TFRC: variants seen among roughly 807,000 people sequenced by gnomAD.
TFRC encodes transferrin receptor.
TFRC carries 35 observed loss-of-function variants against 85.8 expected under a neutral mutation model. The ratio of observed to expected loss-of-function variants is 0.41; its 90% CI spans 0.31 to 0.54. The LOEUF (loss-of-function observed/expected upper bound fraction) is 0.54. TFRC is among the 20% of genes least tolerant of loss of function. TFRC has a pLI of 0.31. For synonymous variants in TFRC, 362 were observed against 328.6 expected, an observed-to-expected ratio of 1.10 and a Z score of -1.10; for missense variants, 828 against 921.5, an observed-to-expected ratio of 0.90 and a Z score of 1.31.
chr3:196,066,976 C>T (rs1383045305), intron 9 of TFRC, among the ~76,000 whole-genome samples: 1 of 152,174 alleles, frequency 6.6e-6, no homozygotes, highest in Non-Finnish European at 1.5e-5. Context: ...GAACTGGGCT[C>T]TGTTTTTAAA....
At chr3:196,052,291 A>G (rs1423918647) in intron 18 of TFRC, 107 bp from the exon 19 acceptor site, 8 of 883,452 alleles carry the variant, frequency 9.1e-6, no homozygotes, top group South Asian at 5.8e-5. Context: ...TGCCGATCAG[A>G]CTTTTTTTTT....
At chr3:196,079,232 TC>T (rs775247539) in intron 1 of TFRC, among the ~76,000 whole-genome samples, 21 of 152,168 alleles carry the variant, frequency 1.4e-4, no homozygotes, top group Non-Finnish European at 2.1e-4. Flanking sequence ...ATCATCCTTT[TC>T]TAGGAAAAAA....
intron 1 of TFRC, among the ~76,000 whole-genome samples, chr3:196,077,547 T>C (rs1718809332): frequency 6.7e-6 from 1 of 149,438 alleles, no homozygotes; most frequent in African/African-American, 2.5e-5. Flanking sequence ...AGGTCAGGAG[T>C]TCAAGACCAG....
rs148522625 is a variant in TFRC at position 196,070,990 on chromosome 3, A to G, written c.687+406T>C. Reference sequence around the variant, plus strand: ...TCAAGCATTAACGAATCAAGCTAAGACTAGGCCCCAGCCAAGATGGATATT... The same window carrying G: ...TCAAGCATTAACGAATCAAGCTAAGGCTAGGCCCCAGCCAAGATGGATATT... On this transcript the variant is annotated intron_variant, in intron 6 of 18. Transcript: ENST00000360110. Among the ~76,000 whole-genome samples the G allele has an allele frequency of 1.4e-3, 219 of 152,148 alleles. 1 individual carries two copies. The highest frequency in any genetic ancestry group is 5.1e-3 in the African/African-American group (213 of 41,536).
chr3:196,066,914 A>G (rs1481101777), intron 9 of TFRC, among the ~76,000 whole-genome samples: 1 of 152,224 alleles, frequency 6.6e-6, no homozygotes, highest in Non-Finnish European at 1.5e-5. Context: ...AATAACAGGA[A>G]ATGATAAATA....
At chr3:196,062,970 G>A (rs368666652) in intron 11 of TFRC, 31 bp from the exon 12 acceptor site, 8 of 1,588,610 alleles carry the variant, frequency 5.0e-6, no homozygotes, top group Non-Finnish European at 6.9e-6. Flanking sequence ...CTTTACCTGA[G>A]GAAAGGTTAT....
chr3:196,070,774 A>AATAATAAT (rs1718122381), intron 6 of TFRC, among the ~76,000 whole-genome samples: 1 of 135,784 alleles, frequency 7.4e-6, no homozygotes, highest in South Asian at 2.4e-4. Context: ...TGTCTCTACC[A>AATAATAAT]AATAATAATA....
chr3:196,069,637 G>C (rs887428040), intron 6 of TFRC, 69 bp from the exon 7 acceptor site: 1 of 990,086 alleles, frequency 1.0e-6, no homozygotes, highest in Non-Finnish European at 1.5e-6. Flanking sequence ...TGAGACAGAA[G>C]AGTGTTATAG....
chr3:196,053,318 G>T, intron 18 of TFRC, 100 bp downstream of exon 18: 1 of 1,340,228 alleles, frequency 7.5e-7, no homozygotes, highest in Non-Finnish European at 1.1e-6. Flanking sequence ...CTTCTTAAAG[G>T]AATTCTAGAC....
intron 14 of TFRC, among the ~76,000 whole-genome samples, chr3:196,059,623 T>G (rs924175797): frequency 1.1e-4 from 17 of 152,070 alleles, no homozygotes; most frequent in Non-Finnish European, 2.4e-4. Context: ...TATTTTTTTT[T>G]TAATTATACT....
At position 196,051,873 on chromosome 3, in the gene TFRC, T is replaced by G. The variant is rs983003380; in HGVS notation, c.*69A>C. On this transcript the variant is annotated 3_prime_UTR_variant, in exon 19 of 19. Coordinates refer to ENST00000360110, the MANE Select transcript of TFRC (RefSeq NM_001128148.3). The stretch of plus-strand genomic sequence containing the variant: ...AGGTTTTGTAGCCCTACTGAAAATT[T>G]AGCACGATCAGCACAAGTCTAGAAA... 2.6e-6 allele frequency: 4 copies of G among 1,548,974 alleles called. No individual in the cohort carries two copies. In the African/African-American group the frequency reaches 5.5e-5, roughly 21 times the overall value.
Position 196,055,153 on chromosome 3 carries a change from A to G in TFRC, c.1826T>C (p.Leu609Pro). Residue 609 changes from leucine (L) to proline (P), a missense_variant, in exon 17 of 19, where the codon CTG becomes CCG. Coordinates refer to ENST00000360110, the MANE Select transcript of TFRC (RefSeq NM_001128148.3). ...IKLTHDVELNLDYERYNSQLL... is the reference protein window; with the variant it reads ...IKLTHDVELNPDYERYNSQLL... ...TTGGCTGTTGTACCTCTCATAGTCC[A>G]GGTTCAATTCAACATCATGGGTTAG... 6 of 1,614,234 alleles carry G rather than the reference A, an allele frequency of 3.7e-6. No individual in the cohort carries two copies.
intron 15 of TFRC, 99 bp downstream of exon 15, chr3:196,058,475 A>G: frequency 6.8e-7 from 1 of 1,466,818 alleles, no homozygotes; most frequent in Non-Finnish European, 9.5e-7. Context: ...CTTTAGGTGT[A>G]AGTAAGTTCA....
chr3:196,050,774 T>C lies in TFRC; in HGVS notation c.*1168A>G, dbSNP rs1375764476. On this transcript the variant is annotated 3_prime_UTR_variant, in exon 19 of 19. Coordinates refer to ENST00000360110, the MANE Select transcript of TFRC (RefSeq NM_001128148.3). Reference sequence around the variant, plus strand: ...ATTTAGGAAAACCAGCATTCTTATCTGGTCAGTGCTCGCTTCTTAGCAACC... The same window carrying C: ...ATTTAGGAAAACCAGCATTCTTATCCGGTCAGTGCTCGCTTCTTAGCAACC... 100 of 204,302 alleles carry C rather than the reference T, an allele frequency of 4.9e-4. 1 individual carries two copies. The East Asian group carries it at 7.5e-3, about 15-fold the overall frequency. 12.7% of individuals were successfully genotyped at this position (204,302 alleles called of 1,614,324 possible).
At position 196,058,363 on chromosome 3, in the gene TFRC, T is replaced by C. The variant is rs751533630; in HGVS notation, c.1598A>G (p.Glu533Gly). 5 of 1,613,624 alleles carry C rather than the reference T, an allele frequency of 3.1e-6. No individual in the cohort carries two copies. In the Admixed American group the frequency reaches 8.3e-5, roughly 27 times the overall value. ...YQDSNWASKV[E>G]KLTLDNAAFP... is the part of the protein sequence containing the mutation. Reference sequence around the variant, plus strand: ...AGCAGCATTGTCTAAAGTGAGTTTCTCACTGCAAAGACAAAGAATGTGTCT... The same window carrying C: ...AGCAGCATTGTCTAAAGTGAGTTTCCCACTGCAAAGACAAAGAATGTGTCT... The change falls in exon 16 of 19, where the codon GAG (glutamate) becomes GGG (glycine). Residue 533 changes from glutamate to glycine, a missense_variant and splice_region_variant. By Grantham distance (98) the Glu-to-Gly change is moderately conservative. Coordinates refer to ENST00000360110, the MANE Select transcript of TFRC (RefSeq NM_001128148.3).
rs1220444790 is a variant in TFRC at position 196,058,320 on chromosome 3, A to T, written c.1641T>A (p.Tyr547Ter). The T allele has an allele frequency of 6.2e-7, 1 of 1,614,130 alleles. No homozygotes were observed. The highest frequency in any genetic ancestry group is 1.7e-5 in the Admixed American group (1 of 60,006). ...AGAAAGAAACTGCTGGGATTCCAGA[A>T]TATGCAAGGAAAGGGAAAGCAGCAT... ...LDNAAFPFLA[Y>*]SGIPAVSFCF... Residue 547 changes from tyrosine (Y) to a stop codon, truncating the protein, a stop_gained, in exon 16 of 19, where the codon TAT becomes TAA. Coordinates refer to ENST00000360110, the MANE Select transcript of TFRC (RefSeq NM_001128148.3). LOFTEE classifies it high-confidence loss of function.
intron 16 of TFRC, among the ~76,000 whole-genome samples, chr3:196,056,566 A>AT (rs1454164867): frequency 1.3e-5 from 2 of 151,322 alleles, no homozygotes; most frequent in Non-Finnish European, 2.9e-5. Context: ...TGCCCAGCTA[A>AT]TTTTTTTGTA....
rs769447421 is a variant in TFRC at position 196,075,302 on chromosome 3, T to C, written c.95A>G (p.Asp32Gly). The change falls in exon 3 of 19, where the codon GAT (aspartate) becomes GGT (glycine). Residue 32 changes from aspartate (D) to glycine (G), a missense_variant. Physicochemically the swap from Asp to Gly is moderately conservative, Grantham distance 94. Coordinates refer to ENST00000360110, the MANE Select transcript of TFRC (RefSeq NM_001128148.3). ...AAGTTTCATCTCCACATGACTGTTA[T>C]CGCCATCTACTTGCCGAGCCAGGCT... Reference protein sequence around the residue: ...RFSLARQVDGDNSHVEMKLAV... With the variant: ...RFSLARQVDGGNSHVEMKLAV... The C allele has an allele frequency of 6.8e-6, 11 of 1,614,074 alleles. No individual in the cohort carries two copies. Among genetic ancestry groups the C allele is most frequent in the Admixed American group, 3.3e-5 (2 of 59,976 alleles).
intron 11 of TFRC, among the ~76,000 whole-genome samples, chr3:196,063,808 T>C (rs1321623497): frequency 6.6e-6 from 1 of 151,972 alleles, no homozygotes; most frequent in African/African-American, 2.4e-5. Context: ...TCCCAGCTAC[T>C]CAGGAGGCTG....
Sources: gnomAD v4.1 joint callset for allele counts (sites outside exome capture counted in the v4.1 genomes callset) on GRCh38, gnomAD v4.1.1 for gene constraint, MANE v1.5 for transcripts, NCBI Gene and HGNC (gene_info 2026-07-23, HGNC 2026-07-21) for gene names.